TRAPPC9: variants seen among roughly 807,000 people sequenced by gnomAD.
TRAPPC9 encodes IKK2 binding protein.
In TRAPPC9, 83 loss-of-function variants were observed where a neutral mutation model predicts 124.0. The ratio of observed to expected loss-of-function variants is 0.67; its 90% confidence interval spans 0.56 to 0.80. TRAPPC9 has a LOEUF of 0.80. Ranked by LOEUF, TRAPPC9 falls within the 30% of genes least tolerant of loss-of-function variation. TRAPPC9 has a pLI of 0.00. For synonymous variants in TRAPPC9, 638 were observed against 617.5 expected, an observed-to-expected ratio of 1.03 and a Z score of -0.49; for missense variants, 1,302 against 1,508.3, an observed-to-expected ratio of 0.86 and a Z score of 2.27.
intron 19 of TRAPPC9, 109 bp from the exon 20 acceptor site, chr8:139,910,409 G>C: frequency 8.8e-7 from 1 of 1,135,324 alleles, no homozygotes; most frequent in South Asian, 1.3e-5. Flanking sequence ...AATCATTATC[G>C]TTAGTAATTC....
At chr8:140,243,627 G>A (rs1016483195) in intron 16 of TRAPPC9, among the ~76,000 whole-genome samples, 9 of 152,296 alleles carry the variant, frequency 5.9e-5, no homozygotes, top group Admixed American at 6.5e-5. Context: ...AGATACAAAA[G>A]CAGCAGATGA....
chr8:140,436,987 ACAAAGTCTCACT>A (rs2070835734), intron 3 of TRAPPC9, among the ~76,000 whole-genome samples: 1 of 152,036 alleles, frequency 6.6e-6, no homozygotes, highest in South Asian at 2.1e-4. Flanking sequence ...TTCTTAAGAG[ACAAAGTCTCACT>A]CTTGCTCAGG....
At chr8:140,019,429 C>A (rs1839682248) in intron 18 of TRAPPC9, among the ~76,000 whole-genome samples, 2 of 151,718 alleles carry the variant, frequency 1.3e-5, no homozygotes, top group Admixed American at 6.6e-5. Context: ...GCCATCTGGG[C>A]CTAAAGTTTG....
In TRAPPC9 at chr8:140,316,254, T is replaced by C. The variant is rs553010638; in HGVS notation, c.1496-4880A>G. Reference sequence around the variant, plus strand: ...CTAATACAAGACTGAAGTAATCTTTTTGATTTTTTGCTTAAAACGTTGCTG... The same window carrying C: ...CTAATACAAGACTGAAGTAATCTTTCTGATTTTTTGCTTAAAACGTTGCTG... On this transcript the variant is annotated intron_variant, in intron 9 of 22. Coordinates refer to ENST00000438773, the MANE Select transcript of TRAPPC9 (RefSeq NM_001160372.4). Among the ~76,000 whole-genome samples the C allele has an allele frequency of 2.0e-5, 3 of 152,276 alleles. No individual in the cohort carries two copies. The East Asian group carries it at 5.8e-4, about 29-fold the overall frequency.
intron 5 of TRAPPC9, among the ~76,000 whole-genome samples, chr8:140,425,692 A>C (rs73713127): frequency 9.2e-5 from 14 of 151,972 alleles, no homozygotes; most frequent in Non-Finnish European, 1.3e-4. Context: ...GTCAAATACC[A>C]GTACATTCAA....
At chr8:140,153,875 C>T (rs1256616830) in intron 17 of TRAPPC9, among the ~76,000 whole-genome samples, 1 of 152,168 alleles carries the variant, frequency 6.6e-6, no homozygotes, top group Non-Finnish European at 1.5e-5. Flanking sequence ...TTGTAACATA[C>T]CCCATGCTCT....
chr8:140,120,654 TCATC>T (rs1230321625), intron 17 of TRAPPC9, among the ~76,000 whole-genome samples: 1 of 142,632 alleles, frequency 7.0e-6, no homozygotes, highest in African/African-American at 2.6e-5. Context: ...ATCCATCCAT[TCATC>T]CATCCACCCA....
intron 17 of TRAPPC9, among the ~76,000 whole-genome samples, chr8:140,084,048 C>A (rs1844026088): frequency 6.6e-6 from 1 of 152,020 alleles, no homozygotes; most frequent in Non-Finnish European, 1.5e-5. Context: ...TTCACAGGCA[C>A]CATCATCCAA....
At chr8:140,362,984 A>G (rs1255869117) in intron 8 of TRAPPC9, among the ~76,000 whole-genome samples, 2 of 152,242 alleles carry the variant, frequency 1.3e-5, no homozygotes, top group East Asian at 1.9e-4. Flanking sequence ...TGCTCTCCCT[A>G]TAAAATGTGA....
At chr8:140,140,853 A>C (rs985857856) in intron 17 of TRAPPC9, among the ~76,000 whole-genome samples, 5 of 152,022 alleles carry the variant, frequency 3.3e-5, no homozygotes, top group Non-Finnish European at 7.4e-5. Flanking sequence ...TATTTCTGCT[A>C]CAATCACCAC....
rs981577572 is a variant in TRAPPC9, at chr8:140,413,054, C to T, written c.887-7356G>A. ...TAAGTGTCAGGTGCTGAGCTGGGCA[C>T]GGGGAATCCACTGCCACAGCAGTGT... is the stretch of plus-strand genomic sequence containing the variant. On this transcript the variant is annotated intron_variant, in intron 5 of 22. Coordinates refer to ENST00000438773, the MANE Select transcript of TRAPPC9 (RefSeq NM_001160372.4). Among the ~76,000 whole-genome samples the T allele has an allele frequency of 5.1e-4, 77 of 152,110 alleles. 1 individual carries two copies. Among genetic ancestry groups the T allele is most frequent in the East Asian group, 3.8e-4 (2 of 5,196 alleles).
At chr8:139,810,687 G>A (rs2130742259) in intron 21 of TRAPPC9, among the ~76,000 whole-genome samples, 1 of 152,328 alleles carries the variant, frequency 6.6e-6, no homozygotes, top group Middle Eastern at 3.4e-3. Context: ...TTCCATGAAG[G>A]AGGGATGAAG....
At chr8:140,003,655 T>C (rs75305801) in intron 18 of TRAPPC9, among the ~76,000 whole-genome samples, 3 of 147,278 alleles carry the variant, frequency 2.0e-5, no homozygotes, top group South Asian at 2.2e-4. Context: ...GATATCACTA[T>C]ATGCCTATTA....
intron 18 of TRAPPC9, among the ~76,000 whole-genome samples, chr8:140,012,208 T>C (rs1196748302): frequency 1.3e-5 from 2 of 152,324 alleles, no homozygotes; most frequent in East Asian, 1.9e-4. Flanking sequence ...CTACTATTTA[T>C]AGATAAGGCA....
intron 21 of TRAPPC9, among the ~76,000 whole-genome samples, chr8:139,783,426 A>T (rs774002698): frequency 5.9e-5 from 9 of 152,234 alleles, no homozygotes; most frequent in Admixed American, 3.3e-4. Context: ...GACAACATAG[A>T]TAAAATGGAT....
At chr8:140,451,426 G>C in intron 1 of TRAPPC9, 43 bp from the exon 2 acceptor site, 1 of 1,517,794 alleles carries the variant, frequency 6.6e-7, no homozygotes, top group Non-Finnish European at 9.0e-7. Context: ...ACAGAGTCCT[G>C]AGTGCTGAGA....
intron 17 of TRAPPC9, among the ~76,000 whole-genome samples, chr8:140,053,265 G>A (rs1842104689): frequency 6.6e-6 from 1 of 152,208 alleles, no homozygotes; most frequent in African/African-American, 2.4e-5. Flanking sequence ...CAGCCTGGCA[G>A]ACACCACCTG....
chr8:140,066,540 A>C (rs563855626), intron 17 of TRAPPC9, among the ~76,000 whole-genome samples: 51 of 152,346 alleles, frequency 3.3e-4, no homozygotes, highest in African/African-American at 1.2e-3. Context: ...TACAGGCAAA[A>C]TGAAATGTCT....
At chr8:140,079,791 G>A (rs148913481) in intron 17 of TRAPPC9, among the ~76,000 whole-genome samples, 122 of 152,268 alleles carry the variant, frequency 8.0e-4, no homozygotes, top group African/African-American at 2.8e-3. Flanking sequence ...TTGGCCAAGC[G>A]TGGTGGTAGA....
Sources: allele counts gnomAD v4.1 joint callset (sites outside exome capture counted in the v4.1 genomes callset), GRCh38; gene constraint gnomAD v4.1.1; transcripts MANE v1.5; gene names NCBI Gene and HGNC (gene_info 2026-07-23, HGNC 2026-07-21).